ZNF385B: variants seen among roughly 807,000 people sequenced by gnomAD.
ZNF385B encodes the protein zinc finger protein 533.
A neutral mutation model predicts 39.2 loss-of-function variants in ZNF385B; 23 were observed. The ratio of observed to expected loss-of-function variants is 0.59; its 90% CI spans 0.42 to 0.83. The LOEUF is 0.83. Among genes scored for constraint, ZNF385B ranks in the 40% least tolerant of loss-of-function variants. The probability of loss-of-function intolerance (pLI) is 0.00; values close to 1 mark genes in which losing one functional copy is unlikely to be tolerated. For synonymous variants in ZNF385B, 205 were observed against 222.6 expected, an observed-to-expected ratio of 0.92 and a Z score of 0.70; for missense variants, 552 against 598.9, an observed-to-expected ratio of 0.92 and a Z score of 0.82.
chr2:179,737,740 T>C (rs543484706), intron 3 of ZNF385B, among the ~76,000 whole-genome samples: 4 of 152,350 alleles, frequency 2.6e-5, no homozygotes, highest in South Asian at 4.1e-4. Flanking sequence ...TATATTATTC[T>C]CACTTAATCT....
chr2:179,452,011 G>C (rs1299810985), intron 6 of ZNF385B, among the ~76,000 whole-genome samples: 1 of 152,072 alleles, frequency 6.6e-6, no homozygotes, highest in South Asian at 2.1e-4. Flanking sequence ...ATGTTAATTA[G>C]CAGGTTTTCT....
intron 3 of ZNF385B, among the ~76,000 whole-genome samples, chr2:179,754,981 A>T (rs1702919502): frequency 6.6e-6 from 1 of 151,986 alleles, no homozygotes; most frequent in Non-Finnish European, 1.5e-5. Context: ...TAGCTTTTGA[A>T]TGTGTTTGCT....
intron 6 of ZNF385B, among the ~76,000 whole-genome samples, chr2:179,449,113 GTAAA>G (rs1192078343): frequency 1.3e-5 from 2 of 152,020 alleles, no homozygotes; most frequent in Non-Finnish European, 2.9e-5. Flanking sequence ...AAAGAGAATA[GTAAA>G]TAAAGTAAGT....
At chr2:179,786,637 T>C (rs1705022106) in intron 1 of ZNF385B, among the ~76,000 whole-genome samples, 2 of 151,766 alleles carry the variant, frequency 1.3e-5, no homozygotes, top group Non-Finnish European at 2.9e-5. Flanking sequence ...AGGGACCACC[T>C]AAAACCACTT....
At chr2:179,774,369 TGTTTG>T (rs1245854341) in intron 1 of ZNF385B, among the ~76,000 whole-genome samples, 4 of 150,632 alleles carry the variant, frequency 2.7e-5, no homozygotes, top group Non-Finnish European at 5.9e-5. Flanking sequence ...TTCTTTTTTT[TGTTTG>T]TTTTAAGATG....
intron 5 of ZNF385B, among the ~76,000 whole-genome samples, chr2:179,517,713 T>C (rs1219170846): frequency 1.3e-5 from 2 of 152,192 alleles, no homozygotes; most frequent in African/African-American, 4.8e-5. Context: ...GATTCTGATT[T>C]ACATCGGTCA....
At chr2:179,541,163 C>T (rs2059898059) in intron 4 of ZNF385B, among the ~76,000 whole-genome samples, 1 of 152,134 alleles carries the variant, frequency 6.6e-6, no homozygotes, top group Non-Finnish European at 1.5e-5. Flanking sequence ...CTCCGTCTTC[C>T]TTATCATGTC....
At chr2:179,729,894 C>T (rs1297025659) in intron 3 of ZNF385B, among the ~76,000 whole-genome samples, 3 of 152,158 alleles carry the variant, frequency 2.0e-5, no homozygotes, top group African/African-American at 7.2e-5. Flanking sequence ...TAAGATGTAT[C>T]TGCTTCCCCT....
chr2:179,770,086 T>G (rs960093724), intron 2 of ZNF385B, among the ~76,000 whole-genome samples: 5 of 152,132 alleles, frequency 3.3e-5, no homozygotes, highest in Non-Finnish European at 7.4e-5. Flanking sequence ...CTTTACTCTC[T>G]TAACTTCCCA....
chr2:179,560,295 G>T (rs1230751371), intron 3 of ZNF385B, among the ~76,000 whole-genome samples: 5 of 152,068 alleles, frequency 3.3e-5, no homozygotes, highest in Non-Finnish European at 7.4e-5. Flanking sequence ...AGCAACAAAG[G>T]AATGGAGATA....
At chr2:179,537,309 AAAAAAAATAAAT>A (rs1244644985) in intron 4 of ZNF385B, among the ~76,000 whole-genome samples, 1 of 138,908 alleles carries the variant, frequency 7.2e-6, no homozygotes, top group Non-Finnish European at 1.5e-5. Flanking sequence ...GTCTCAAAAA[AAAAAAAATAAAT>A]AAAAAAAAAA....
At position 179,675,217 on chromosome 2, in the gene ZNF385B, G is replaced by A. The variant is rs574377669; in HGVS notation, c.298+94286C>T. 8.5e-5 allele frequency among the ~76,000 whole-genome samples: 13 copies of A among 152,276 alleles called. No individual in the cohort carries two copies. The East Asian group carries it at 2.5e-3, about 29-fold the overall frequency. On this transcript the variant is annotated intron_variant, in intron 3 of 9. Transcript: ENST00000410066. ...AAGAAAATCTTATTTAGAAAATAAG[G>A]AAGAAAAATATATTTACTATTCATT...
At position 179,557,017 on chromosome 2, in the gene ZNF385B, G is replaced by A. The variant is rs1266039105; in HGVS notation, c.299-12048C>T. Among the ~76,000 whole-genome samples the A allele has an allele frequency of 2.7e-5, 4 of 149,146 alleles. 1 individual carries two copies. Among genetic ancestry groups the A allele is most frequent in the Non-Finnish European group, 5.9e-5 (4 of 67,592 alleles). ...GGAAAAGTGTAACAATGTTACTCAA[G>A]TCACTGAATAGTTCTAAAAGAATTA... On this transcript the variant is annotated intron_variant, in intron 3 of 9. Coordinates refer to ENST00000410066, the MANE Select transcript of ZNF385B (RefSeq NM_152520.6).
At chr2:179,453,118 G>A (rs1281486471) in intron 6 of ZNF385B, among the ~76,000 whole-genome samples, 5 of 152,068 alleles carry the variant, frequency 3.3e-5, no homozygotes, top group Admixed American at 6.6e-5. Context: ...GTCAATAAAT[G>A]CAGAACTGGA....
At chr2:179,564,682 G>A (rs1684349436) in intron 3 of ZNF385B, among the ~76,000 whole-genome samples, 2 of 152,048 alleles carry the variant, frequency 1.3e-5, no homozygotes, top group African/African-American at 4.8e-5. Context: ...GGGTTCTGAA[G>A]GCCTCTATCA....
At chr2:179,524,977 A>G (rs2058796697) in intron 4 of ZNF385B, among the ~76,000 whole-genome samples, 2 of 152,200 alleles carry the variant, frequency 1.3e-5, no homozygotes, top group South Asian at 4.1e-4. Context: ...AACTATACTA[A>G]GGAATTACCT....
intron 6 of ZNF385B, among the ~76,000 whole-genome samples, chr2:179,458,754 C>A (rs1004097027): frequency 6.6e-6 from 1 of 152,196 alleles, no homozygotes; most frequent in Non-Finnish European, 1.5e-5. Context: ...ATCCACTTAA[C>A]AAACCTTACC....
rs867080935 is a variant in ZNF385B at position 179,442,194 on chromosome 2, G to C, written c.*1056C>G. The C allele has an allele frequency of 6.6e-6, 1 of 152,538 alleles. No homozygotes were observed. Among genetic ancestry groups the C allele is most frequent in the Non-Finnish European group, 1.5e-5 (1 of 68,022 alleles). 9.4% of individuals were successfully genotyped at this position (152,538 alleles called of 1,614,324 possible). On this transcript the variant is annotated 3_prime_UTR_variant, in exon 10 of 10. Coordinates refer to ENST00000410066, the MANE Select transcript of ZNF385B (RefSeq NM_152520.6). ...GAGCATGACCTGCAATATATTCAGC[G>C]AACAGAAAGACAAATTGTTCAATTA...
chr2:179,711,358 T>C (rs1699984234), intron 3 of ZNF385B, among the ~76,000 whole-genome samples: 1 of 152,184 alleles, frequency 6.6e-6, no homozygotes, highest in Non-Finnish European at 1.5e-5. Context: ...TGTTGTAGTT[T>C]GTATTGCTGC....
Sources: gnomAD v4.1 joint callset for allele counts (sites outside exome capture counted in the v4.1 genomes callset) on GRCh38, gnomAD v4.1.1 for gene constraint, MANE v1.5 for transcripts, NCBI Gene and HGNC (gene_info 2026-07-23, HGNC 2026-07-21) for gene names.